Variants in NCOA7 observed in about 807,000 individuals in gnomAD.
NCOA7 encodes 140 kDa estrogen receptor-associated protein.
A neutral mutation model predicts 104.3 loss-of-function variants in NCOA7; 45 were observed. The observed-to-expected ratio is 0.43, with a 90% CI of 0.34 to 0.55. The LOEUF (loss-of-function observed/expected upper bound fraction) is 0.55. NCOA7 is among the 20% of genes least tolerant of loss of function. The pLI is 0.02. For missense variants in NCOA7, 1,041 were observed against 1,119.7 expected, an observed-to-expected ratio of 0.93 and a Z score of 1.00; for synonymous variants, 398 against 402.3, an observed-to-expected ratio of 0.99 and a Z score of 0.13.
Position 125,796,071 on chromosome 6 carries a change from G to T in NCOA7, c.-65+5004G>T, listed in dbSNP as rs116734605. The stretch of plus-strand genomic sequence containing the variant: ...TCATGAGCAAGCCACTCTCATTTCT[G>T]GTGTCATCTCTAGGGGCCTTTCTTC... On this transcript the variant is annotated intron_variant, in intron 1 of 15. Transcript: ENST00000392477. Among the ~76,000 whole-genome samples the T allele has an allele frequency of 4.6e-3, 707 of 152,090 alleles. 7 individuals carry two copies. Among genetic ancestry groups the T allele is most frequent in the African/African-American group, 0.017 (686 of 41,492 alleles).
intron 3 of NCOA7, among the ~76,000 whole-genome samples, chr6:125,861,898 G>T (rs139473517): frequency 2.7e-5 from 4 of 150,184 alleles, no homozygotes; most frequent in Non-Finnish European, 5.9e-5. Flanking sequence ...TTAGCTGGGC[G>T]TGGTGGCACA....
chr6:125,889,243 ACTT>A lies in NCOA7; in HGVS notation c.1195_1197del (p.Ser399del), dbSNP rs540769854. 277 of 1,613,960 alleles carry A rather than the reference ACTT, an allele frequency of 1.7e-4. 1 individual carries two copies. The African/African-American group carries it at 1.9e-3, about 11-fold the overall frequency. ...TAAGCTCAGCAAGGAACCTTCCGACACTTCTTCTGCATTTGAATCTACAGCCAA... is the reference window on the plus strand; with the variant it reads ...TAAGCTCAGCAAGGAACCTTCCGACACTTCTGCATTTGAATCTACAGCCAA... On this transcript the variant is annotated inframe_deletion, in exon 9 of 16. Transcript: ENST00000392477.
chr6:125,905,613 T>G (rs1785929068), intron 10 of NCOA7, among the ~76,000 whole-genome samples: 1 of 152,084 alleles, frequency 6.6e-6, no homozygotes. Context: ...GGAGCCAGGT[T>G]CGATTTAACA....
At chr6:125,913,990 C>A (rs1453730236) in intron 10 of NCOA7, among the ~76,000 whole-genome samples, 1 of 152,186 alleles carries the variant, frequency 6.6e-6, no homozygotes, top group Non-Finnish European at 1.5e-5. Flanking sequence ...ACTTAAGACA[C>A]AAACTGCAAT....
intron 10 of NCOA7, among the ~76,000 whole-genome samples, chr6:125,904,319 A>T (rs1785774617): frequency 6.6e-6 from 1 of 152,120 alleles, no homozygotes; most frequent in Non-Finnish European, 1.5e-5. Flanking sequence ...CACTGTGCTA[A>T]CATTTTTTTG....
At position 125,890,747 on chromosome 6, in the gene NCOA7, T is replaced by C; in HGVS notation, c.2033T>C (p.Met678Thr). ...RKSFATHTAA[M>T]VQQYGKRRKQ... ...TCCTTTGCCACTCACACTGCAGCCA[T>C]GGTCCAGCAGTACGGCAAACGGAGA... The change falls in exon 10 of 16, where the codon ATG (methionine) becomes ACG (threonine). Residue 678 changes from methionine to threonine, a missense_variant. Physicochemically the swap from Met to Thr is moderately conservative, Grantham distance 81. This residue lies in a region of NCOA7 where 914 missense variants were observed against 942.7 expected (regional missense o/e 0.97). Transcript: ENST00000392477. 1 of 1,613,834 alleles carries C rather than the reference T, an allele frequency of 6.2e-7. No homozygotes were observed. The highest frequency in any genetic ancestry group is 8.5e-7 in the Non-Finnish European group (1 of 1,179,860).
Position 125,928,799 on chromosome 6 carries a change from T to TA in NCOA7, c.*33dup. 6.2e-7 allele frequency: 1 copy of TA among 1,601,982 alleles called. No individual in the cohort carries two copies. The highest frequency in any genetic ancestry group is 1.1e-5 in the South Asian group (1 of 88,606). On this transcript the variant is annotated 3_prime_UTR_variant, in exon 16 of 16. Coordinates refer to ENST00000392477, the MANE Select transcript of NCOA7 (RefSeq NM_181782.5). ...TTCAGACTGCCTTAAAATATAACAT[T>TA]AAAAAGACTGGGTTCGATCAGCCCT...
At chr6:125,920,753 G>A (rs969472280) in intron 11 of NCOA7, among the ~76,000 whole-genome samples, 190 bp from the exon 12 acceptor site, 2 of 152,118 alleles carry the variant, frequency 1.3e-5, no homozygotes, top group African/African-American at 4.8e-5. Flanking sequence ...TGCCTCGATT[G>A]TACTGTCTTT....
At chr6:125,920,277 T>C (rs997248857) in intron 11 of NCOA7, among the ~76,000 whole-genome samples, 1 of 152,236 alleles carries the variant, frequency 6.6e-6, no homozygotes, top group African/African-American at 2.4e-5. Flanking sequence ...GTAGCTGTTA[T>C]CATTCGTTAT....
chr6:125,832,039 C>T (rs1297317233), intron 2 of NCOA7, among the ~76,000 whole-genome samples: 6 of 152,204 alleles, frequency 3.9e-5, no homozygotes, highest in Admixed American at 3.9e-4. Flanking sequence ...GAACATATTA[C>T]AGACATGAGC....
chr6:125,874,710 A>G (rs1314506397), intron 3 of NCOA7, among the ~76,000 whole-genome samples, 179 bp from the exon 4 acceptor site: 1 of 152,178 alleles, frequency 6.6e-6, no homozygotes, highest in Non-Finnish European at 1.5e-5. Flanking sequence ...AATATTAATC[A>G]TTTATTCAGG....
chr6:125,834,994 C>T (rs567419938), intron 2 of NCOA7, among the ~76,000 whole-genome samples: 2 of 152,274 alleles, frequency 1.3e-5, no homozygotes, highest in East Asian at 1.9e-4. Context: ...ATAGCTCCAG[C>T]GGGAAGTAAG....
At chr6:125,881,765 CT>C (rs980119736) in intron 6 of NCOA7, among the ~76,000 whole-genome samples, 10 of 147,964 alleles carry the variant, frequency 6.8e-5, no homozygotes, top group Non-Finnish European at 1.2e-4. Flanking sequence ...TGTATTCCTC[CT>C]TTTTTTAAAA....
chr6:125,825,478 G>A (rs1778587422), intron 2 of NCOA7, among the ~76,000 whole-genome samples: 1 of 152,212 alleles, frequency 6.6e-6, no homozygotes, highest in Non-Finnish European at 1.5e-5. Flanking sequence ...TCCTGTGTAT[G>A]TGAGAATATA....
chr6:125,879,093 A>G (rs573636262), intron 5 of NCOA7, among the ~76,000 whole-genome samples: 1 of 152,196 alleles, frequency 6.6e-6, no homozygotes, highest in South Asian at 2.1e-4. Flanking sequence ...TCATCCATCC[A>G]TTACTCTAGT....
chr6:125,838,731 A>C (rs182104787), intron 2 of NCOA7, among the ~76,000 whole-genome samples: 11 of 152,280 alleles, frequency 7.2e-5, no homozygotes, highest in African/African-American at 2.4e-4. Context: ...TCCCCAGACC[A>C]CCTGTACTTT....
chr6:125,796,518 A>G (rs1382358313), intron 1 of NCOA7, among the ~76,000 whole-genome samples: 3 of 151,824 alleles, frequency 2.0e-5, no homozygotes, highest in African/African-American at 4.8e-5. Flanking sequence ...ACTCATCTCT[A>G]TATGACTTAA....
rs764067169 is a variant in NCOA7, at chr6:125,878,379, ACT to A, written c.459+12_459+13del. ...CTATTGTTCCAGGCCAGGTAATTAT[ACT>A]CTTACTGGATATAACTCTAGAAATT... is the stretch of plus-strand genomic sequence containing the variant. On this transcript the variant is annotated intron_variant, in intron 5 of 15. Coordinates refer to ENST00000392477, the MANE Select transcript of NCOA7 (RefSeq NM_181782.5). The A allele has an allele frequency of 9.5e-6, 15 of 1,575,178 alleles. No homozygotes were observed. The highest frequency in any genetic ancestry group is 1.7e-6 in the Non-Finnish European group (2 of 1,151,838).
rs1181550611 is a variant in NCOA7, at chr6:125,815,415, A to G, written c.50+11A>G. 1 of 1,604,794 alleles carries G rather than the reference A, an allele frequency of 6.2e-7. No individual in the cohort carries two copies. Among genetic ancestry groups the G allele is most frequent in the South Asian group, 1.1e-5 (1 of 88,816 alleles). On this transcript the variant is annotated intron_variant, in intron 2 of 15. Coordinates refer to ENST00000392477, the MANE Select transcript of NCOA7 (RefSeq NM_181782.5). ...AAGTTATTTTGCTCGGTAAGCATTC[A>G]TTTTACAAAATTGTTATCAGTACTT... is the stretch of plus-strand genomic sequence containing the variant.
Sources: allele counts gnomAD v4.1 joint callset (sites outside exome capture counted in the v4.1 genomes callset), GRCh38; gene constraint gnomAD v4.1.1; regional missense constraint gnomAD v4.1.1; transcripts MANE v1.5; gene names NCBI Gene and HGNC (gene_info 2026-07-23, HGNC 2026-07-21).